Variants in CDK12 observed in about 807,000 individuals in gnomAD.
CDK12 encodes the protein cyclin dependent kinase 12, also known as cyclin-dependent kinase 12.
In CDK12, 17 loss-of-function variants were observed where a neutral mutation model predicts 133.8. The ratio of observed to expected loss-of-function variants is 0.13; its 90% CI spans 0.09 to 0.19. The LOEUF is 0.19. CDK12 is among the 10% of genes least tolerant of loss of function. The pLI, the probability that CDK12 is intolerant of heterozygous loss-of-function variation, is 1.00. For missense variants in CDK12, 1,508 were observed against 1,818.7 expected, an observed-to-expected ratio of 0.83 and a Z score of 3.11; for synonymous variants, 694 against 683.6, an observed-to-expected ratio of 1.02 and a Z score of -0.24.
rs2146713680 is a variant in CDK12, at chr17:39,525,925, G to A, written c.3369G>A (p.Leu1123=). 6.2e-7 allele frequency: 1 copy of A among 1,614,184 alleles called. No individual in the cohort carries two copies. Among genetic ancestry groups the A allele is most frequent in the Non-Finnish European group, 8.5e-7 (1 of 1,180,026 alleles). Residue 1123 remains leucine (L), a synonymous_variant, in exon 13 of 14, where the codon CTG becomes CTA. Transcript: ENST00000447079. The part of the protein sequence containing the change: ...QSELAVLLNL[L]QSQTDLSIPQ... ...AATTGGCAGTGTTATTAAACCTGCT[G>A]CAGAGCCAAACCGACCTGAGCATCC...
chr17:39,492,781 A>C lies in CDK12; in HGVS notation c.2139A>C (p.Arg713Ser). The C allele has an allele frequency of 6.2e-7, 1 of 1,611,476 alleles. No homozygotes were observed. Among genetic ancestry groups the C allele is most frequent in the Non-Finnish European group, 8.5e-7 (1 of 1,179,104 alleles). Residue 713 changes from arginine (R) to serine (S), a missense_variant, in exon 4 of 14, where the codon AGA becomes AGC. Arg to Ser is a moderately radical substitution (Grantham distance 110). Transcript: ENST00000447079. ...GTTGTCCTCGTTATGGAGAAAGAAG[A>C]CAAACAGAAAGCGACTGGGGGAAAC... is the stretch of plus-strand genomic sequence containing the variant. ...KICCPRYGERRQTESDWGKRC... is the reference protein window; with the variant it reads ...KICCPRYGERSQTESDWGKRC...
chr17:39,465,716 C>T (rs1195466591), intron 1 of CDK12, among the ~76,000 whole-genome samples: 1 of 152,006 alleles, frequency 6.6e-6, no homozygotes, highest in Non-Finnish European at 1.5e-5. Context: ...GTCTCCAACT[C>T]CTGACCTCAG....
chr17:39,494,919 G>GC lies in CDK12; in HGVS notation c.2419+227dup, dbSNP rs566438196. On this transcript the variant is annotated intron_variant, in intron 5 of 13. Coordinates refer to ENST00000447079, the MANE Select transcript of CDK12 (RefSeq NM_016507.4). ...TGAGCAGCTGGGACTACAGGCGCCCGCCACCACACCCAGCTAATTTTTTGT... is the reference window on the plus strand; with the variant it reads ...TGAGCAGCTGGGACTACAGGCGCCCGCCCACCACACCCAGCTAATTTTTTGT... Among the ~76,000 whole-genome samples the GC allele has an allele frequency of 1.6e-4, 24 of 151,904 alleles. No homozygotes were observed. The East Asian group carries it at 2.9e-3, about 18-fold the overall frequency.
chr17:39,510,597 T>C (rs1225611491), intron 7 of CDK12, among the ~76,000 whole-genome samples: 1 of 28,972 alleles, frequency 3.5e-5, no homozygotes, highest in African/African-American at 5.0e-5. Flanking sequence ...TTTTTTTCTC[T>C]CTTCTCTTCT....
chr17:39,547,063 G>A (rs1212416832), upstream of CDK12, among the ~76,000 whole-genome samples: 1 of 151,904 alleles, frequency 6.6e-6, no homozygotes, highest in African/African-American at 2.4e-5. Flanking sequence ...TCTTCTGGGG[G>A]CTAGAAATCT....
chr17:39,466,318 AAAAAG>A (rs2049303645), intron 1 of CDK12, among the ~76,000 whole-genome samples: 1 of 151,236 alleles, frequency 6.6e-6, no homozygotes, highest in Admixed American at 6.6e-5. Context: ...AAAAAAAAAA[AAAAAG>A]AAAGAAAAAG....
chr17:39,561,384 C>T (rs1214910760), intron 3 of CDK12, among the ~76,000 whole-genome samples: 1 of 152,186 alleles, frequency 6.6e-6, no homozygotes, highest in Non-Finnish European at 1.5e-5. Flanking sequence ...TGGGCAGGCT[C>T]AGTGTCTAGG....
rs1428765602 is a variant in CDK12, at chr17:39,533,422, T to C, written c.*2106T>C. ...GTGTTTTAGAATATTTGAATTTGAGTTATTGGGCCCCACTCCCTGTTTTTT... is the reference window on the plus strand; with the variant it reads ...GTGTTTTAGAATATTTGAATTTGAGCTATTGGGCCCCACTCCCTGTTTTTT... On this transcript the variant is annotated 3_prime_UTR_variant, in exon 14 of 14. Transcript: ENST00000447079. 4.3e-6 allele frequency: 1 copy of C among 233,058 alleles called. No individual in the cohort carries two copies. The allele number at this position is 233,058 out of a possible 1,614,324, so 14.4% of individuals were successfully genotyped here.
chr17:39,557,997 T>C (rs1028156079), intron 3 of CDK12, among the ~76,000 whole-genome samples: 8 of 152,222 alleles, frequency 5.3e-5, no homozygotes, highest in Admixed American at 5.2e-4. Context: ...GTAAAGCACC[T>C]ACAACAGTGC....
At chr17:39,508,175 A>G (rs1176748998) in intron 6 of CDK12, among the ~76,000 whole-genome samples, 3 of 152,180 alleles carry the variant, frequency 2.0e-5, no homozygotes, top group East Asian at 3.8e-4. Context: ...TTGGCACTCA[A>G]AAAGTTTCAG....
At chr17:39,470,001 CATT>C (rs2049667767) in intron 1 of CDK12, among the ~76,000 whole-genome samples, 1 of 152,078 alleles carries the variant, frequency 6.6e-6, no homozygotes, top group Non-Finnish European at 1.5e-5. Context: ...TGAAAGTAAT[CATT>C]GTGAGTATGG....
In CDK12 at chr17:39,532,535, T is replaced by A. The variant is rs1380902593; in HGVS notation, c.*1219T>A. ...GAGAAAAACAAATCCTGAAGATACA[T>A]GGAAATGTAACCTAGTTTAGGGTGG... On this transcript the variant is annotated 3_prime_UTR_variant, in exon 14 of 14. Coordinates refer to ENST00000447079, the MANE Select transcript of CDK12 (RefSeq NM_016507.4). 31 of 231,868 alleles carry A rather than the reference T, an allele frequency of 1.3e-4. No homozygotes were observed. In the East Asian group the frequency reaches 1.9e-3, roughly 14 times the overall value. 14.4% of individuals were successfully genotyped at this position (231,868 alleles called of 1,614,324 possible). A position where few individuals can be genotyped will look rare whatever the true frequency, so the allele number is the denominator to read the frequency against.
rs574356383 is a variant in CDK12, at chr17:39,514,859, C to T, written c.2769-872C>T. Among the ~76,000 whole-genome samples the T allele has an allele frequency of 9.3e-4, 141 of 152,202 alleles. 3 individuals are homozygous for T. Among genetic ancestry groups the T allele is most frequent in the African/African-American group, 3.3e-3 (138 of 41,512 alleles). Reference sequence around the variant, plus strand: ...ATCACCCACCACAGTTTCCTTGTGCCCTTTTGTAATCCCTTTCCTCTACCC... The same window carrying T: ...ATCACCCACCACAGTTTCCTTGTGCTCTTTTGTAATCCCTTTCCTCTACCC... On this transcript the variant is annotated intron_variant, in intron 8 of 13. Coordinates refer to ENST00000447079, the MANE Select transcript of CDK12 (RefSeq NM_016507.4).
intron 1 of CDK12, among the ~76,000 whole-genome samples, chr17:39,468,909 A>G (rs1412137971): frequency 6.6e-6 from 1 of 151,392 alleles, no homozygotes; most frequent in South Asian, 2.1e-4. Context: ...GCTTACTGCA[A>G]CCTCCGCCTC....
At chr17:39,472,947 G>T (rs2049908751) in intron 2 of CDK12, among the ~76,000 whole-genome samples, 1 of 151,920 alleles carries the variant, frequency 6.6e-6, no homozygotes, top group Non-Finnish European at 1.5e-5. Flanking sequence ...ATGGTGGCAG[G>T]CACCTGTAGT....
intron 2 of CDK12, among the ~76,000 whole-genome samples, chr17:39,477,779 T>C (rs1567698677): frequency 6.6e-6 from 1 of 151,444 alleles, no homozygotes; most frequent in Non-Finnish European, 1.5e-5. Context: ...TTCGCCGTGT[T>C]AGCCAGGATG....
At chr17:39,464,048 T>G (rs755058839) in intron 1 of CDK12, among the ~76,000 whole-genome samples, 55 of 152,098 alleles carry the variant, frequency 3.6e-4, no homozygotes, top group Non-Finnish European at 6.5e-4. Context: ...CTGAGTTGCT[T>G]CAGGTGTAAA....
chr17:39,528,362 C>G (rs950203314), intron 13 of CDK12, among the ~76,000 whole-genome samples: 3 of 152,044 alleles, frequency 2.0e-5, no homozygotes, highest in African/African-American at 7.2e-5. Context: ...GAGATGGAGT[C>G]TCGCTCTGTC....
intron 6 of CDK12, among the ~76,000 whole-genome samples, chr17:39,504,291 G>A (rs971273205): frequency 6.6e-6 from 1 of 152,120 alleles, no homozygotes; most frequent in Non-Finnish European, 1.5e-5. Context: ...TACCAATACA[G>A]AGTTGGTAGT....
Sources: gnomAD v4.1 joint callset for allele counts (sites outside exome capture counted in the v4.1 genomes callset) on GRCh38, gnomAD v4.1.1 for gene constraint, MANE v1.5 for transcripts, NCBI Gene and HGNC (gene_info 2026-07-23, HGNC 2026-07-21) for gene names.